The following LUC7L3 variants were observed in gnomAD, a reference collection of about 807,000 sequenced individuals.
The protein encoded by LUC7L3 is luc7-like protein 3.
A neutral mutation model predicts 66.8 loss-of-function variants in LUC7L3; 6 were observed. The observed-to-expected ratio is 0.09, with a 90% CI of 0.05 to 0.18. The LOEUF (loss-of-function observed/expected upper bound fraction) is 0.18. LUC7L3 is among the 10% of genes least tolerant of loss of function. LUC7L3 has a pLI of 1.00. For synonymous variants in LUC7L3, 160 were observed against 174.7 expected (o/e 0.92, Z 0.66); for missense variants, 341 against 531.1 (o/e 0.64, Z 3.52).
In LUC7L3 at chr17:50,753,179, A is replaced by G. The variant is rs547949346; in HGVS notation, c.*2518A>G. On this transcript the variant is annotated 3_prime_UTR_variant, in exon 10 of 10. Coordinates refer to ENST00000505658, the MANE Select transcript of LUC7L3 (RefSeq NM_016424.5). The stretch of plus-strand genomic sequence containing the variant: ...CGGCAGCATGTTTCTATCTATAGCC[A>G]GCTTCTTCGACTGTATAAAAGTATT... 6.6e-6 allele frequency: 1 copy of G among 152,586 alleles called. No individual in the cohort carries two copies. The highest frequency in any genetic ancestry group is 1.9e-4 in the East Asian group (1 of 5,186). 9.5% of individuals were successfully genotyped at this position (152,586 alleles called of 1,614,324 possible). A position where few individuals can be genotyped will look rare whatever the true frequency, so the allele number is the denominator to read the frequency against.
intron 9 of LUC7L3, among the ~76,000 whole-genome samples, chr17:50,747,271 T>A (rs993208822): frequency 6.6e-6 from 1 of 150,384 alleles, no homozygotes; most frequent in African/African-American, 2.4e-5. Flanking sequence ...AGTAGCTGAT[T>A]TACTGTGCTG....
In LUC7L3 at chr17:50,753,210, C is replaced by T. The variant is rs1971049266; in HGVS notation, c.*2549C>T. The T allele has an allele frequency of 6.6e-6, 1 of 152,546 alleles. No homozygotes were observed. The highest frequency in any genetic ancestry group is 1.5e-5 in the Non-Finnish European group (1 of 68,030). The allele number at this position is 152,546 out of a possible 1,614,324, so 9.4% of individuals were successfully genotyped here. A position where few individuals can be genotyped will look rare whatever the true frequency, so the allele number is the denominator to read the frequency against. Reference sequence around the variant, plus strand: ...TTCGACTGTATAAAAGTATTCTCTCCAGCTACGTATATACACACATACATA... The same window carrying T: ...TTCGACTGTATAAAAGTATTCTCTCTAGCTACGTATATACACACATACATA... On this transcript the variant is annotated 3_prime_UTR_variant, in exon 10 of 10. Coordinates refer to ENST00000505658, the MANE Select transcript of LUC7L3 (RefSeq NM_016424.5).
chr17:50,754,795 ATAGT>A lies in LUC7L3; in HGVS notation c.*4139_*4142del, dbSNP rs1311493914. On this transcript the variant is annotated 3_prime_UTR_variant, in exon 10 of 10. Transcript: ENST00000505658. The stretch of plus-strand genomic sequence containing the variant: ...CCTTAGGCATTCTGGTTCCTTAAAT[ATAGT>A]TAGTGTCACAGAGGATAAATAACCA... The A allele has an allele frequency of 1.3e-5, 2 of 152,150 alleles. No homozygotes were observed. The highest frequency in any genetic ancestry group is 4.8e-5 in the African/African-American group (2 of 41,424). 9.4% of individuals were successfully genotyped at this position (152,150 alleles called of 1,614,324 possible).
chr17:50,742,981 T>C (rs1002262548), intron 5 of LUC7L3, among the ~76,000 whole-genome samples: 2 of 152,150 alleles, frequency 1.3e-5, no homozygotes, highest in African/African-American at 4.8e-5. Flanking sequence ...AAAAGGAATA[T>C]AGACTCTATG....
Position 50,746,523 on chromosome 17 carries a change from T to G in LUC7L3, c.978-19T>G, listed in dbSNP as rs1026336013. On this transcript the variant is annotated intron_variant, in intron 8 of 9. Transcript: ENST00000505658. ...TTGTAATACTGGCTGAAGTTGCCTT[T>G]TGGTTTTAAATTATTAAGAAGTAGA... The G allele has an allele frequency of 6.2e-7, 1 of 1,604,966 alleles. No individual in the cohort carries two copies. Among genetic ancestry groups the G allele is most frequent in the African/African-American group, 1.4e-5 (1 of 74,048 alleles).
chr17:50,740,402 A>G, intron 3 of LUC7L3, 57 bp downstream of exon 3: 4 of 1,480,372 alleles, frequency 2.7e-6, no homozygotes, highest in Non-Finnish European at 2.8e-6. Flanking sequence ...TTTAAGTGGG[A>G]CAAGGGTTGA....
intron 1 of LUC7L3, among the ~76,000 whole-genome samples, chr17:50,729,875 T>G (rs1969442265): frequency 7.3e-6 from 1 of 136,276 alleles, no homozygotes. Flanking sequence ...TAATCAGAAG[T>G]ATATATTGAA....
chr17:50,742,472 C>A (rs548391290), intron 5 of LUC7L3, among the ~76,000 whole-genome samples: 116 of 152,240 alleles, frequency 7.6e-4, no homozygotes, highest in Non-Finnish European at 1.6e-3. Context: ...GATTCTCCTG[C>A]CTCAGCCTCC....
Position 50,752,266 on chromosome 17 carries a change from A to G in LUC7L3, c.*1605A>G, listed in dbSNP as rs1971010646. ...ATAAAGTGAAGATCGACATTTAAAA[A>G]ATGAGGTGAAAGAAAGCTATAGTGG... On this transcript the variant is annotated 3_prime_UTR_variant, in exon 10 of 10. Transcript: ENST00000505658. The G allele has an allele frequency of 1.6e-6, 2 of 1,262,266 alleles. No individual in the cohort carries two copies. Among genetic ancestry groups the G allele is most frequent in the Admixed American group, 2.4e-5 (1 of 42,376 alleles). 78.2% of individuals were successfully genotyped at this position (1,262,266 alleles called of 1,614,324 possible). A position where few individuals can be genotyped will look rare whatever the true frequency, so the allele number is the denominator to read the frequency against.
chr17:50,751,586 A>G lies in LUC7L3; in HGVS notation c.*925A>G, dbSNP rs1970976122. The G allele has an allele frequency of 1.7e-6, 2 of 1,153,750 alleles. No homozygotes were observed. Among genetic ancestry groups the G allele is most frequent in the African/African-American group, 3.3e-5 (2 of 61,372 alleles). 71.5% of individuals were successfully genotyped at this position (1,153,750 alleles called of 1,614,324 possible). A position where few individuals can be genotyped will look rare whatever the true frequency, so the allele number is the denominator to read the frequency against. The stretch of plus-strand genomic sequence containing the variant: ...GGTGGCCAGAATTAGATATCTTTAA[A>G]GAATTTTAAATACAATAAACACTTC... On this transcript the variant is annotated 3_prime_UTR_variant, in exon 10 of 10. Coordinates refer to ENST00000505658, the MANE Select transcript of LUC7L3 (RefSeq NM_016424.5).
rs970454696 is a variant in LUC7L3 at position 50,752,852 on chromosome 17, A to T, written c.*2191A>T. 1 of 152,218 alleles carries T rather than the reference A, an allele frequency of 6.6e-6. No individual in the cohort carries two copies. Among genetic ancestry groups the T allele is most frequent in the East Asian group, 1.9e-4 (1 of 5,206 alleles). 9.4% of individuals were successfully genotyped at this position (152,218 alleles called of 1,614,324 possible). Reference sequence around the variant, plus strand: ...AATGGTGCTTCAATTTTAGGTGGTTATGAATAAATTTGAATTTTGCTTTTA... The same window carrying T: ...AATGGTGCTTCAATTTTAGGTGGTTTTGAATAAATTTGAATTTTGCTTTTA... On this transcript the variant is annotated 3_prime_UTR_variant, in exon 10 of 10. Transcript: ENST00000505658.
At chr17:50,750,196 C>CT (rs550339648) in intron 9 of LUC7L3, among the ~76,000 whole-genome samples, 142 of 152,132 alleles carry the variant, frequency 9.3e-4, no homozygotes, top group African/African-American at 3.2e-3. Flanking sequence ...TTTCCCAGTG[C>CT]TTTTTGATGT....
chr17:50,746,147 G>A, intron 8 of LUC7L3, 144 bp downstream of exon 8: 2 of 1,305,346 alleles, frequency 1.5e-6, no homozygotes, highest in Non-Finnish European at 2.0e-6. Flanking sequence ...AGCGGAATCA[G>A]TGAATAAAAT....
chr17:50,719,671 TCGCCCGTGTTTTCGTTGGCGGGTGC>T lies in LUC7L3; in HGVS notation c.-60_-36del. 1 of 1,387,602 alleles carries T rather than the reference TCGCCCGTGTTTTCGTTGGCGGGTGC, an allele frequency of 7.2e-7. No homozygotes were observed. The highest frequency in any genetic ancestry group is 1.0e-6 in the Non-Finnish European group (1 of 990,348). The allele number at this position is 1,387,602 out of a possible 1,614,324, so 86.0% of individuals were successfully genotyped here. ...CGGGCCGAGGAGATTGGCGACGGTG[TCGCCCGTGTTTTCGTTGGCGGGTGC>T]CTGGGCTGGTGGGAACAGCCGCCCG... On this transcript the variant is annotated 5_prime_UTR_variant, in exon 1 of 10. Transcript: ENST00000505658.
intron 2 of LUC7L3, chr17:50,737,326 A>C (rs1020999944): frequency 4.0e-6 from 2 of 500,880 alleles, no homozygotes; most frequent in Non-Finnish European, 7.8e-6. Flanking sequence ...GATGTCAGCA[A>C]ATTTTTGGAA....
chr17:50,734,435 G>T (rs747304082), intron 1 of LUC7L3, among the ~76,000 whole-genome samples: 13 of 152,158 alleles, frequency 8.5e-5, no homozygotes, highest in Non-Finnish European at 1.8e-4. Flanking sequence ...CCAAAGTGCT[G>T]GGATTACAGG....
intron 9 of LUC7L3, among the ~76,000 whole-genome samples, 185 bp downstream of exon 9, chr17:50,746,887 T>A (rs1221286698): frequency 6.6e-6 from 1 of 152,196 alleles, no homozygotes; most frequent in Non-Finnish European, 1.5e-5. Flanking sequence ...AAATGACAGT[T>A]TATCTGGTGT....
rs142033434 is a variant in LUC7L3 at position 50,742,074 on chromosome 17, T to TTG, written c.426+361_426+362dup. ...TTGGGCAACAGAGTGAGACCTCGTC[T>TTG]TGTGTGTGTGTGTGTGTGTACATGT... On this transcript the variant is annotated intron_variant, in intron 5 of 9. Transcript: ENST00000505658. Among the ~76,000 whole-genome samples the TTG allele has an allele frequency of 2.8e-3, 428 of 150,766 alleles. 1 individual carries two copies. The highest frequency in any genetic ancestry group is 8.5e-3 in the East Asian group (44 of 5,156).
intron 9 of LUC7L3, among the ~76,000 whole-genome samples, chr17:50,750,171 G>A (rs1567880271): frequency 6.6e-6 from 1 of 152,022 alleles, no homozygotes; most frequent in African/African-American, 2.4e-5. Flanking sequence ...AGTTTTGTAT[G>A]CTGTCTTTTA....
Sources: allele counts gnomAD v4.1 joint callset (sites outside exome capture counted in the v4.1 genomes callset), GRCh38; gene constraint gnomAD v4.1.1; transcripts MANE v1.5; gene names NCBI Gene and HGNC (gene_info 2026-07-23, HGNC 2026-07-21).